DLG2: variants seen among roughly 807,000 people sequenced by gnomAD.
DLG2 encodes discs large MAGUK scaffold protein 2.
DLG2 carries 45 observed loss-of-function variants against 132.5 expected under a neutral mutation model. That is an observed-to-expected ratio of 0.34 (90% CI 0.27 to 0.44). The LOEUF (loss-of-function observed/expected upper bound fraction) is 0.44. Among genes scored for constraint, DLG2 ranks in the 20% least tolerant of loss-of-function variants. DLG2 has a pLI of 1.00. For missense variants in DLG2, 1,045 were observed against 1,196.9 expected, an observed-to-expected ratio of 0.87 and a Z score of 1.87; for synonymous variants, 424 against 419.6, an observed-to-expected ratio of 1.01 and a Z score of -0.13.
intron 8 of DLG2, among the ~76,000 whole-genome samples, chr11:84,174,014 C>CT (rs11338428): frequency 8.2e-5 from 5 of 61,202 alleles, no homozygotes; most frequent in African/African-American, 3.3e-4. Flanking sequence ...ACCCCCCGGC[C>CT]TTTTTTTTTT....
At chr11:85,365,926 C>T (rs1384858976) in intron 3 of DLG2, among the ~76,000 whole-genome samples, 1 of 152,036 alleles carries the variant, frequency 6.6e-6, no homozygotes, top group African/African-American at 2.4e-5. Context: ...CACAACAGGT[C>T]CTGCCAGGAG....
chr11:85,539,533 CT>C (rs1304161057), intron 3 of DLG2, among the ~76,000 whole-genome samples: 1 of 152,070 alleles, frequency 6.6e-6, no homozygotes, highest in Non-Finnish European at 1.5e-5. Context: ...TGGGTATGAG[CT>C]TTCTTTTTGG....
At chr11:83,544,832 T>G (rs2096193807) in intron 19 of DLG2, among the ~76,000 whole-genome samples, 1 of 152,058 alleles carries the variant, frequency 6.6e-6, no homozygotes, top group Admixed American at 6.6e-5. Flanking sequence ...TAAAATGAGG[T>G]GTATCTGACT....
At chr11:84,173,380 A>G (rs1461930535) in intron 8 of DLG2, among the ~76,000 whole-genome samples, 1 of 152,186 alleles carries the variant, frequency 6.6e-6, no homozygotes, top group African/African-American at 2.4e-5. Context: ...CAATTGATCA[A>G]TGGTTGTAAG....
chr11:83,461,737 T>C (rs2090069983), intron 27 of DLG2: 2 of 384,340 alleles, frequency 5.2e-6, no homozygotes, highest in Non-Finnish European at 9.5e-6. Flanking sequence ...TGGTAGGAGA[T>C]AGCTCAGGGG....
At chr11:84,241,775 T>C (rs1315154934) in intron 8 of DLG2, among the ~76,000 whole-genome samples, 2 of 152,214 alleles carry the variant, frequency 1.3e-5, no homozygotes, top group African/African-American at 2.4e-5. Flanking sequence ...TTTAAAAATC[T>C]CTTGTAAATT....
At chr11:84,752,926 C>G (rs1349704618) in intron 6 of DLG2, among the ~76,000 whole-genome samples, 1 of 151,610 alleles carries the variant, frequency 6.6e-6, no homozygotes, top group Non-Finnish European at 1.5e-5. Flanking sequence ...GCATAGTATT[C>G]CATGGTGTAT....
At chr11:84,315,303 G>A (rs2098342138) in intron 7 of DLG2, among the ~76,000 whole-genome samples, 1 of 152,104 alleles carries the variant, frequency 6.6e-6, no homozygotes, top group Admixed American at 6.5e-5. Context: ...CCTAGTATTA[G>A]AGATTTGGGT....
At chr11:84,169,848 G>C (rs563144123) in intron 8 of DLG2, among the ~76,000 whole-genome samples, 1 of 148,596 alleles carries the variant, frequency 6.7e-6, no homozygotes, top group South Asian at 2.2e-4. Context: ...ACTTCAGCCT[G>C]GGCAACAGAG....
rs569551495 is a variant in DLG2, at chr11:83,950,923, C to A, written c.1340+11962G>T. On this transcript the variant is annotated intron_variant, in intron 14 of 27. Coordinates refer to ENST00000376104, the MANE Select transcript of DLG2 (RefSeq NM_001142699.3). ...TTTTGGGTTTATTTGCCTGCCCCCC[C>A]CTCCACACTTCCACTTTGCTGTCTT... 2.2e-4 allele frequency among the ~76,000 whole-genome samples: 34 copies of A among 152,214 alleles called. No individual in the cohort carries two copies. The South Asian group carries it at 4.8e-3, about 21-fold the overall frequency.
chr11:84,294,309 C>T lies in DLG2; in HGVS notation c.520-43018G>A, dbSNP rs1038322758. Reference sequence around the variant, plus strand: ...GAAATTGAGCTAGCTTTTTAAAGAACACCTCTTGGCCAGGTGCAGTGGCTC... The same window carrying T: ...GAAATTGAGCTAGCTTTTTAAAGAATACCTCTTGGCCAGGTGCAGTGGCTC... On this transcript the variant is annotated intron_variant, in intron 7 of 27. Transcript: ENST00000376104. Among the ~76,000 whole-genome samples, 3 of 152,094 alleles carry T rather than the reference C, an allele frequency of 2.0e-5. 1 individual carries two copies. Among genetic ancestry groups the T allele is most frequent in the Admixed American group, 2.0e-4 (3 of 15,244 alleles).
chr11:83,954,968 T>C (rs2086457519), intron 14 of DLG2, among the ~76,000 whole-genome samples: 1 of 152,212 alleles, frequency 6.6e-6, no homozygotes. Context: ...ATACGTAGAT[T>C]ACAACATGTT....
chr11:85,215,666 T>A (rs1294555732), intron 4 of DLG2, among the ~76,000 whole-genome samples: 1 of 152,208 alleles, frequency 6.6e-6, no homozygotes, highest in African/African-American at 2.4e-5. Context: ...TTTCCTCATA[T>A]ATTTACAGTT....
At chr11:85,215,247 C>A (rs1398226356) in intron 4 of DLG2, among the ~76,000 whole-genome samples, 1 of 151,976 alleles carries the variant, frequency 6.6e-6, no homozygotes, top group Admixed American at 6.6e-5. Context: ...AATTACAGAC[C>A]AGTTCAGTTT....
At chr11:85,102,131 T>C (rs564530511) in intron 6 of DLG2, among the ~76,000 whole-genome samples, 202 of 152,112 alleles carry the variant, frequency 1.3e-3, no homozygotes, top group Middle Eastern at 3.4e-3. Context: ...AAATTCATCA[T>C]TTTTACAGCT....
intron 3 of DLG2, among the ~76,000 whole-genome samples, chr11:85,566,701 G>A (rs2077547463): frequency 6.6e-6 from 1 of 152,000 alleles, no homozygotes; most frequent in Non-Finnish European, 1.5e-5. Context: ...CCATCACTTT[G>A]GGGGTTAGGA....
chr11:84,041,971 A>G (rs774467640), intron 11 of DLG2, among the ~76,000 whole-genome samples: 2 of 151,912 alleles, frequency 1.3e-5, no homozygotes, highest in Non-Finnish European at 2.9e-5. Flanking sequence ...GTGTGCCACC[A>G]TGTGAGATGT....
At chr11:85,479,804 G>T (rs1318570699) in intron 3 of DLG2, among the ~76,000 whole-genome samples, 1 of 152,310 alleles carries the variant, frequency 6.6e-6, no homozygotes, top group South Asian at 2.1e-4. Flanking sequence ...GTGAGGAAAG[G>T]ATCTGTGCCA....
intron 7 of DLG2, among the ~76,000 whole-genome samples, chr11:84,315,307 T>G (rs543893216): frequency 1.3e-5 from 2 of 152,220 alleles, no homozygotes; most frequent in Non-Finnish European, 2.9e-5. Flanking sequence ...GTATTAGAGA[T>G]TTGGGTTTGG....
Sources: gnomAD v4.1 joint callset for allele counts (sites outside exome capture counted in the v4.1 genomes callset) on GRCh38, gnomAD v4.1.1 for gene constraint, MANE v1.5 for transcripts, NCBI Gene and HGNC (gene_info 2026-07-23, HGNC 2026-07-21) for gene names.